The following CFAP77 variants were observed in gnomAD, a reference collection of about 807,000 sequenced individuals.
The protein encoded by CFAP77 is cilia- and flagella-associated protein 77.
A neutral mutation model predicts 31.1 loss-of-function variants in CFAP77; 25 were observed. The ratio of observed to expected loss-of-function variants is 0.80; its 90% confidence interval spans 0.59 to 1.12. The LOEUF (loss-of-function observed/expected upper bound fraction) is 1.12. CFAP77 is among the 50% of genes most tolerant of loss of function. The probability of loss-of-function intolerance (pLI) is 0.00; values close to 1 mark genes in which losing one functional copy is unlikely to be tolerated. For synonymous variants in CFAP77, 151 were observed against 159.9 expected, an observed-to-expected ratio of 0.94 and a Z score of 0.42; for missense variants, 377 against 397.3, an observed-to-expected ratio of 0.95 and a Z score of 0.44.
At chr9:132,486,964 G>A (rs1221070795) in intron 1 of CFAP77, among the ~76,000 whole-genome samples, 1 of 152,210 alleles carries the variant, frequency 6.6e-6, no homozygotes, top group Non-Finnish European at 1.5e-5. Flanking sequence ...CCCGGGGAGC[G>A]GGGACCAGGC....
chr9:132,526,451 C>T (rs1011267164), intron 3 of CFAP77, among the ~76,000 whole-genome samples: 4 of 151,896 alleles, frequency 2.6e-5, no homozygotes, highest in African/African-American at 9.7e-5. Context: ...CCAGGATGGT[C>T]TCGATCTCCT....
chr9:132,561,661 A>ACACACACAC (rs1247071368), intron 5 of CFAP77, among the ~76,000 whole-genome samples: 7 of 46,460 alleles, frequency 1.5e-4, no homozygotes, highest in Non-Finnish European at 8.5e-5. Flanking sequence ...ACACACACAC[A>ACACACACAC]CCCCCTCCAT....
intron 5 of CFAP77, among the ~76,000 whole-genome samples, chr9:132,561,820 C>T (rs1419839390): frequency 1.3e-5 from 2 of 152,086 alleles, no homozygotes; most frequent in South Asian, 2.1e-4. Flanking sequence ...GCAGAGGCGT[C>T]GGGTGGAGGC....
chr9:132,427,159 A>T (rs1000127324), intron 1 of CFAP77, among the ~76,000 whole-genome samples: 4 of 152,230 alleles, frequency 2.6e-5, no homozygotes, highest in African/African-American at 9.6e-5. Flanking sequence ...TTTGGGCCAG[A>T]ACCGGCTTCC....
chr9:132,469,487 G>A (rs772964334), intron 1 of CFAP77, among the ~76,000 whole-genome samples: 1 of 152,062 alleles, frequency 6.6e-6, no homozygotes, highest in Non-Finnish European at 1.5e-5. Flanking sequence ...CTTCTGAGGC[G>A]CTGGCATAAT....
intron 3 of CFAP77, among the ~76,000 whole-genome samples, chr9:132,528,470 CA>C (rs1265214889): frequency 1.3e-5 from 2 of 149,126 alleles, no homozygotes; most frequent in African/African-American, 4.9e-5. Flanking sequence ...TCCAAAACAC[CA>C]AAAGCATTGG....
At chr9:132,561,293 C>G (rs1285204528) in intron 5 of CFAP77, among the ~76,000 whole-genome samples, 1 of 152,052 alleles carries the variant, frequency 6.6e-6, no homozygotes, top group Non-Finnish European at 1.5e-5. Context: ...AAAAACTAAT[C>G]TAAAATCTCT....
chr9:132,510,904 C>T (rs1255846724), intron 3 of CFAP77, among the ~76,000 whole-genome samples: 1 of 152,126 alleles, frequency 6.6e-6, no homozygotes, highest in Non-Finnish European at 1.5e-5. Context: ...AAGGTAGCAA[C>T]TGACTCTCTT....
chr9:132,410,443 T>A lies in CFAP77; in HGVS notation c.172T>A (p.Phe58Ile). The A allele has an allele frequency of 6.3e-7, 1 of 1,589,038 alleles. No homozygotes were observed. The highest frequency in any genetic ancestry group is 8.5e-7 in the Non-Finnish European group (1 of 1,170,074). Residue 58 changes from phenylalanine (F) to isoleucine (I), a missense_variant, in exon 1 of 6, where the codon TTT (phenylalanine) becomes ATT (isoleucine). Transcript: ENST00000393216. ...GCTGGGGGTCGTGCGGGACTCCATG[T>A]TTCAGAACCCTCTCATCGTCAAGGT... is the stretch of plus-strand genomic sequence containing the variant. Reference protein sequence around the residue: ...ERLGVVRDSMFQNPLIVKAEL... With the variant: ...ERLGVVRDSMIQNPLIVKAEL...
At chr9:132,532,604 C>T (rs963236690) in intron 3 of CFAP77, among the ~76,000 whole-genome samples, 2 of 152,212 alleles carry the variant, frequency 1.3e-5, no homozygotes, top group Non-Finnish European at 2.9e-5. Flanking sequence ...GAGTGAGAGG[C>T]TCGAGGTCTG....
chr9:132,450,805 G>C (rs192362731), intron 1 of CFAP77, among the ~76,000 whole-genome samples: 1 of 152,336 alleles, frequency 6.6e-6, no homozygotes, highest in African/African-American at 2.4e-5. Flanking sequence ...GGATTGGAGC[G>C]GGTAAGCCGG....
chr9:132,523,538 A>G (rs1852306182), intron 3 of CFAP77, among the ~76,000 whole-genome samples: 1 of 152,224 alleles, frequency 6.6e-6, no homozygotes, highest in Non-Finnish European at 1.5e-5. Flanking sequence ...TGGCAGCTGC[A>G]TAATATTTCA....
chr9:132,432,789 C>T (rs1850433264), intron 1 of CFAP77, among the ~76,000 whole-genome samples: 1 of 152,224 alleles, frequency 6.6e-6, no homozygotes, highest in Non-Finnish European at 1.5e-5. Context: ...TCTCGGCTCA[C>T]TGCAAGCTCT....
intron 1 of CFAP77, among the ~76,000 whole-genome samples, chr9:132,467,745 A>G (rs1851180213): frequency 6.6e-6 from 1 of 152,172 alleles, no homozygotes; most frequent in East Asian, 1.9e-4. Context: ...CGGTAATTCT[A>G]TATTTAATTT....
chr9:132,543,073 C>T (rs755374000), intron 5 of CFAP77, 26 bp downstream of exon 5: 4 of 1,584,160 alleles, frequency 2.5e-6, no homozygotes, highest in East Asian at 2.2e-5. Context: ...ATCCACACCC[C>T]TCCCTGCACC....
At chr9:132,459,777 A>T (rs1210851415) in intron 1 of CFAP77, among the ~76,000 whole-genome samples, 1 of 147,862 alleles carries the variant, frequency 6.8e-6, no homozygotes, top group East Asian at 2.0e-4. Context: ...AGTGTGTGTG[A>T]GAGCGTGTGT....
intron 3 of CFAP77, among the ~76,000 whole-genome samples, chr9:132,515,933 G>A (rs1564236660): frequency 6.6e-6 from 1 of 152,138 alleles, no homozygotes; most frequent in Non-Finnish European, 1.5e-5. Flanking sequence ...AGAGAGAGAG[G>A]CACCAAGTAT....
At chr9:132,530,136 C>CTATTTTTTTT (rs1852414258) in intron 3 of CFAP77, among the ~76,000 whole-genome samples, 1 of 93,268 alleles carries the variant, frequency 1.1e-5, no homozygotes, top group African/African-American at 4.2e-5. Flanking sequence ...TCTTTCTTTT[C>CTATTTTTTTT]TTTTTTTTTT....
intron 4 of CFAP77, 128 bp downstream of exon 4, chr9:132,537,834 G>A (rs2040718808): frequency 2.9e-6 from 2 of 678,350 alleles, no homozygotes; most frequent in South Asian, 3.7e-5. Context: ...AAATCAGGTT[G>A]CATCTTCTGC....
Sources: gnomAD v4.1 joint callset for allele counts (sites outside exome capture counted in the v4.1 genomes callset) on GRCh38, gnomAD v4.1.1 for gene constraint, MANE v1.5 for transcripts, NCBI Gene and HGNC (gene_info 2026-07-23, HGNC 2026-07-21) for gene names.